The following SPRY3 variants were observed in gnomAD, a reference collection of about 807,000 sequenced individuals.
SPRY3 encodes sprouty RTK signaling antagonist 3, also known as protein sprouty homolog 3.
A neutral mutation model predicts 20.2 loss-of-function variants in SPRY3; 15 were observed. The observed-to-expected ratio is 0.74, with a 90% confidence interval of 0.50 to 1.14. The LOEUF (loss-of-function observed/expected upper bound fraction) is 1.14. Ranked by LOEUF, SPRY3 falls within the 50% of genes most tolerant of loss-of-function variation. The probability of loss-of-function intolerance (pLI) is 0.00; values close to 1 mark genes in which losing one functional copy is unlikely to be tolerated. For synonymous variants in SPRY3, 143 were observed against 136.5 expected (o/e 1.05, Z -0.33); for missense variants, 364 against 363.9 (o/e 1.00, Z 0.00).
rs1181823568 is a variant in SPRY3, at chrX:155,717,185, A to T, written c.-281-50777A>T. ...AAAAAAAAAGATATCATCAACTTTT[A>T]TTTTTTTGCTGGGCCTTCTCAGATT... On this transcript the variant is annotated intron_variant, in intron 2 of 3. Transcript: ENST00000675360. 8.7e-5 allele frequency among the ~76,000 whole-genome samples: 13 copies of T among 148,848 alleles called. No homozygotes were observed. In the East Asian group the frequency reaches 2.2e-3, roughly 25 times the overall value.
At chrX:155,695,411 C>CT (rs968877435) in intron 2 of SPRY3, among the ~76,000 whole-genome samples, 3 of 108,769 alleles carry the variant, frequency 2.8e-5, no homozygotes, top group African/African-American at 1.0e-4. Context: ...TTAAGATTTT[C>CT]TTTTTTTTGG....
At chrX:155,776,508 G>C (rs947096028) in exon 4 of SPRY3, 2 of 167,094 alleles carry the variant, frequency 1.2e-5, no homozygotes, top group Admixed American at 1.3e-4. Context: ...AAAAGCTGCA[G>C]TGGTGATGGC....
chrX:155,720,644 G>T (rs2091051480), intron 2 of SPRY3, among the ~76,000 whole-genome samples: 1 of 152,130 alleles, frequency 6.6e-6, no homozygotes, highest in Non-Finnish European at 1.5e-5. Flanking sequence ...GAGAACAGGA[G>T]TTTCTGCCTA....
At chrX:155,641,164 A>G (rs1237200099) in intron 1 of SPRY3, among the ~76,000 whole-genome samples, 1 of 112,050 alleles carries the variant, frequency 8.9e-6, no homozygotes, top group Non-Finnish European at 1.9e-5. Context: ...TGCTTTTTCA[A>G]TATCAATTGA....
chrX:155,656,686 T>C (rs2067993333), intron 1 of SPRY3, among the ~76,000 whole-genome samples: 1 of 111,529 alleles, frequency 9.0e-6, no homozygotes, highest in Non-Finnish European at 1.9e-5. Flanking sequence ...TTCTGGTTTT[T>C]GGAATTTTCA....
chrX:155,749,546 T>TA (rs932926420), intron 2 of SPRY3, among the ~76,000 whole-genome samples: 8 of 151,562 alleles, frequency 5.3e-5, no homozygotes, highest in East Asian at 1.9e-4. Context: ...GAACACAAAA[T>TA]AAAAAAAATT....
At chrX:155,761,818 A>AT (rs1207682329) in intron 2 of SPRY3, among the ~76,000 whole-genome samples, 1 of 149,770 alleles carries the variant, frequency 6.7e-6, no homozygotes, top group Non-Finnish European at 1.5e-5. Context: ...GATATGGAGC[A>AT]TTTTTTCATA....
At chrX:155,778,428 T>C (rs2091442600), downstream of SPRY3, 1 of 167,100 alleles carries the variant, frequency 6.0e-6, no homozygotes, top group African/African-American at 2.4e-5. Context: ...TTACCATTTC[T>C]TAGCTTATGA....
chrX:155,763,934 A>G (rs1290702866), intron 2 of SPRY3, among the ~76,000 whole-genome samples: 2 of 152,178 alleles, frequency 1.3e-5, no homozygotes, highest in African/African-American at 4.8e-5. Flanking sequence ...AAAGCATGGA[A>G]AGGTGTATTT....
At chrX:155,724,680 C>T (rs2091085599) in intron 2 of SPRY3, among the ~76,000 whole-genome samples, 1 of 152,182 alleles carries the variant, frequency 6.6e-6, no homozygotes, top group South Asian at 2.1e-4. Context: ...TATCCTGAGA[C>T]TTTGCCGAAG....
At chrX:155,710,577 T>C (rs1454688766) in intron 2 of SPRY3, among the ~76,000 whole-genome samples, 1 of 151,828 alleles carries the variant, frequency 6.6e-6, no homozygotes, top group Non-Finnish European at 1.5e-5. Flanking sequence ...TCTTTAGGTT[T>C]TTCCAAATAT....
chrX:155,712,881 C>T (rs926934145), intron 2 of SPRY3, among the ~76,000 whole-genome samples: 1 of 151,888 alleles, frequency 6.6e-6, no homozygotes, highest in African/African-American at 2.4e-5. Context: ...CCTGCAGATA[C>T]TATCTTATAT....
At chrX:155,670,866 C>T (rs1197098879) in intron 2 of SPRY3, among the ~76,000 whole-genome samples, 9 of 111,841 alleles carry the variant, frequency 8.0e-5, no homozygotes, top group Non-Finnish European at 1.5e-4. Flanking sequence ...TCCCATACTA[C>T]GATAGTGGCC....
At chrX:155,653,999 C>T (rs2067984662) in intron 1 of SPRY3, among the ~76,000 whole-genome samples, 1 of 111,843 alleles carries the variant, frequency 8.9e-6, no homozygotes, top group Non-Finnish European at 1.9e-5. Context: ...AGGTTAAGGG[C>T]TCAACCCTGC....
intron 2 of SPRY3, among the ~76,000 whole-genome samples, chrX:155,696,212 A>AAC (rs201511557): frequency 0.073 from 7,508 of 103,414 alleles, 417 homozygotes; most frequent in Admixed American, 0.24. Flanking sequence ...ATACACACAC[A>AAC]ACACACACAC....
chrX:155,706,697 G>A (rs1451178298), intron 2 of SPRY3, among the ~76,000 whole-genome samples: 1 of 150,686 alleles, frequency 6.6e-6, no homozygotes, highest in African/African-American at 2.4e-5. Context: ...AAAGATGAAG[G>A]AATATTAAGA....
At chrX:155,747,225 A>G (rs369175599) in intron 2 of SPRY3, among the ~76,000 whole-genome samples, 7 of 151,894 alleles carry the variant, frequency 4.6e-5, no homozygotes, top group African/African-American at 1.7e-4. Flanking sequence ...TTTTCAACTA[A>G]TTGCAGGATT....
At chrX:155,747,237 A>G (rs2091232181) in intron 2 of SPRY3, among the ~76,000 whole-genome samples, 1 of 151,882 alleles carries the variant, frequency 6.6e-6, no homozygotes, top group African/African-American at 2.4e-5. Flanking sequence ...TGCAGGATTC[A>G]TTATTAGAGA....
intron 2 of SPRY3, among the ~76,000 whole-genome samples, chrX:155,660,791 T>C (rs1347302460): frequency 9.0e-6 from 1 of 111,086 alleles, no homozygotes; most frequent in Non-Finnish European, 1.9e-5. Flanking sequence ...TTGTCTTTTT[T>C]TTTTTTACTG....
Sources: allele counts gnomAD v4.1 joint callset (sites outside exome capture counted in the v4.1 genomes callset), GRCh38; gene constraint gnomAD v4.1.1; transcripts MANE v1.5; gene names NCBI Gene and HGNC (gene_info 2026-07-23, HGNC 2026-07-21).